The following F13A1 variants were observed in gnomAD, a reference collection of about 807,000 sequenced individuals.
F13A1 encodes coagulation factor XIII A chain.
A neutral mutation model predicts 80.1 loss-of-function variants in F13A1; 47 were observed. That is an observed-to-expected ratio of 0.59 (90% CI 0.46 to 0.75). The LOEUF is 0.75. Ranked by LOEUF, F13A1 falls within the 30% of genes least tolerant of loss-of-function variation. The pLI, the probability that F13A1 is intolerant of heterozygous loss-of-function variation, is 0.00. For synonymous variants in F13A1, 349 were observed against 344.9 expected (o/e 1.01, Z -0.13); for missense variants, 817 against 930.4 (o/e 0.88, Z 1.59).
At chr6:6,159,872 G>A (rs1050948716) in intron 13 of F13A1, among the ~76,000 whole-genome samples, 1 of 152,120 alleles carries the variant, frequency 6.6e-6, no homozygotes, top group Non-Finnish European at 1.5e-5. Flanking sequence ...GTAAGTGCTG[G>A]TTAGCTCAGG....
intron 11 of F13A1, among the ~76,000 whole-genome samples, chr6:6,180,324 C>T (rs1306117611): frequency 1.3e-5 from 2 of 152,236 alleles, no homozygotes; most frequent in African/African-American, 2.4e-5. Flanking sequence ...CAGCACCCGT[C>T]CACCCTGTGC....
chr6:6,152,685 G>T (rs1340896357), intron 13 of F13A1, among the ~76,000 whole-genome samples: 1 of 152,102 alleles, frequency 6.6e-6, no homozygotes, highest in Non-Finnish European at 1.5e-5. Flanking sequence ...TTTAAAATGG[G>T]CTGACACTTT....
At chr6:6,284,369 C>G (rs529735892) in intron 3 of F13A1, among the ~76,000 whole-genome samples, 3 of 152,084 alleles carry the variant, frequency 2.0e-5, no homozygotes, top group Non-Finnish European at 2.9e-5. Flanking sequence ...ATATGTTGCA[C>G]AAATAGAAAA....
Position 6,245,487 on chromosome 6 carries a change from G to T in F13A1, c.798+2825C>A, listed in dbSNP as rs1583091594. 3.3e-5 allele frequency among the ~76,000 whole-genome samples: 5 copies of T among 152,338 alleles called. No homozygotes were observed. In the South Asian group the frequency reaches 1.0e-3, roughly 32 times the overall value. ...GATCTGCCCGCCTCGGCCTCCCAAAGTGCTGGGATTACAGGCGTGAGCCAC... is the reference window on the plus strand; with the variant it reads ...GATCTGCCCGCCTCGGCCTCCCAAATTGCTGGGATTACAGGCGTGAGCCAC... On this transcript the variant is annotated intron_variant, in intron 6 of 14. Coordinates refer to ENST00000264870, the MANE Select transcript of F13A1 (RefSeq NM_000129.4).
At chr6:6,208,311 T>C (rs560546743) in intron 8 of F13A1, among the ~76,000 whole-genome samples, 5 of 152,238 alleles carry the variant, frequency 3.3e-5, no homozygotes, top group African/African-American at 1.2e-4. Flanking sequence ...TCAATGAACT[T>C]GAAGGTAGGC....
At chr6:6,297,695 C>T (rs1758352775) in intron 3 of F13A1, among the ~76,000 whole-genome samples, 1 of 149,100 alleles carries the variant, frequency 6.7e-6, no homozygotes. Flanking sequence ...TTTCAAAAAA[C>T]CAGCTCCTGG....
intron 8 of F13A1, among the ~76,000 whole-genome samples, chr6:6,212,393 T>A (rs1432557554): frequency 6.7e-6 from 1 of 149,488 alleles, no homozygotes; most frequent in Non-Finnish European, 1.5e-5. Context: ...GCAGCCTAAC[T>A]GGGAGGCACC....
At chr6:6,169,551 A>G (rs2151073391) in intron 12 of F13A1, 1 of 153,806 alleles carries the variant, frequency 6.5e-6, no homozygotes, top group Middle Eastern at 6.6e-4. Flanking sequence ...GAACCCCATC[A>G]ATCCCTGGAA....
chr6:6,217,526 T>G (rs1757114344), intron 8 of F13A1, among the ~76,000 whole-genome samples: 1 of 99,420 alleles, frequency 1.0e-5, no homozygotes, highest in African/African-American at 4.0e-5. Context: ...TGCGGCCTGT[T>G]GTGGGGTGGG....
intron 6 of F13A1, among the ~76,000 whole-genome samples, chr6:6,227,444 T>C (rs562096193): frequency 3.3e-5 from 5 of 152,340 alleles, no homozygotes; most frequent in Admixed American, 2.0e-4. Flanking sequence ...CTTTAGCTTA[T>C]AGAGTCATGA....
intron 4 of F13A1, among the ~76,000 whole-genome samples, chr6:6,252,393 A>G (rs1295367878): frequency 2.0e-5 from 3 of 152,226 alleles, no homozygotes; most frequent in Non-Finnish European, 2.9e-5. Flanking sequence ...AAACACATAC[A>G]TACACACATA....
intron 8 of F13A1, among the ~76,000 whole-genome samples, chr6:6,198,953 CA>C (rs1288772062): frequency 1.3e-5 from 2 of 151,938 alleles, no homozygotes; most frequent in Admixed American, 6.5e-5. Flanking sequence ...TTTAGGAGGT[CA>C]AGAAAAGGAG....
chr6:6,256,519 T>G (rs1260096814), intron 4 of F13A1, among the ~76,000 whole-genome samples: 1 of 152,084 alleles, frequency 6.6e-6, no homozygotes, highest in Non-Finnish European at 1.5e-5. Flanking sequence ...TAACCACCCT[T>G]GCAGGCTGAC....
At chr6:6,245,892 C>A (rs1757548694) in intron 6 of F13A1, among the ~76,000 whole-genome samples, 1 of 152,198 alleles carries the variant, frequency 6.6e-6, no homozygotes, top group Admixed American at 6.5e-5. Context: ...GCATTTGCAA[C>A]CTGCGAATGG....
At chr6:6,319,735 T>A (rs1357995536) in intron 1 of F13A1, among the ~76,000 whole-genome samples, 1 of 152,120 alleles carries the variant, frequency 6.6e-6, no homozygotes, top group Admixed American at 6.6e-5. Context: ...CAGAGACATG[T>A]GGAGCACTAA....
chr6:6,275,882 T>C (rs1046904342), intron 3 of F13A1, among the ~76,000 whole-genome samples: 3 of 152,220 alleles, frequency 2.0e-5, no homozygotes, highest in Admixed American at 6.5e-5. Flanking sequence ...TGTTGCCTCA[T>C]TTAAGAGAAG....
intron 7 of F13A1, 79 bp from the exon 8 acceptor site, chr6:6,222,250 G>C (rs911271413): frequency 7.0e-6 from 11 of 1,580,248 alleles, no homozygotes; most frequent in Non-Finnish European, 6.9e-6. Context: ...TTCTTGTAGG[G>C]GACTTTCTTC....
intron 6 of F13A1, among the ~76,000 whole-genome samples, chr6:6,244,973 A>G (rs1757535186): frequency 6.6e-6 from 1 of 152,176 alleles, no homozygotes; most frequent in Admixed American, 6.5e-5. Flanking sequence ...AGGTGGAGAA[A>G]CTGAGTCACA....
At chr6:6,263,231 G>A (rs977349383) in intron 4 of F13A1, among the ~76,000 whole-genome samples, 12 of 152,024 alleles carry the variant, frequency 7.9e-5, no homozygotes, top group Non-Finnish European at 1.0e-4. Context: ...CTACTTTCTC[G>A]CCTCCTGTTT....
Sources: gnomAD v4.1 joint callset for allele counts (sites outside exome capture counted in the v4.1 genomes callset) on GRCh38, gnomAD v4.1.1 for gene constraint, MANE v1.5 for transcripts, NCBI Gene and HGNC (gene_info 2026-07-23, HGNC 2026-07-21) for gene names.